HUNK: variants seen among roughly 807,000 people sequenced by gnomAD.
The protein encoded by HUNK is hormonally up-regulated neu tumor-associated kinase.
In HUNK, 21 loss-of-function variants were observed where a neutral mutation model predicts 61.0. That is an observed-to-expected ratio of 0.34 (90% CI 0.24 to 0.50). The LOEUF (loss-of-function observed/expected upper bound fraction) is 0.50. HUNK is among the 20% of genes least tolerant of loss of function. The pLI, the probability that HUNK is intolerant of heterozygous loss-of-function variation, is 0.98. For synonymous variants in HUNK, 371 were observed against 386.1 expected (o/e 0.96, Z 0.46); for missense variants, 772 against 945.7 (o/e 0.82, Z 2.41).
intron 1 of HUNK, among the ~76,000 whole-genome samples, chr21:31,919,451 G>T (rs1434820249): frequency 6.6e-6 from 1 of 152,180 alleles, no homozygotes; most frequent in Non-Finnish European, 1.5e-5. Context: ...GCACCCTTAA[G>T]CCTGGCATGT....
At chr21:31,958,077 CT>C (rs2123840300) in intron 4 of HUNK, among the ~76,000 whole-genome samples, 1 of 152,244 alleles carries the variant, frequency 6.6e-6, no homozygotes, top group Non-Finnish European at 1.5e-5. Flanking sequence ...CAGTACTACT[CT>C]TAATTGAAGT....
intron 1 of HUNK, among the ~76,000 whole-genome samples, chr21:31,911,613 G>C (rs2052546248): frequency 6.6e-6 from 1 of 152,046 alleles, no homozygotes. Context: ...CTCACTTTTG[G>C]GTAGCCTTCC....
chr21:31,874,009 G>T, intron 1 of HUNK, 74 bp downstream of exon 1: 1 of 1,186,780 alleles, frequency 8.4e-7, no homozygotes, highest in South Asian at 2.0e-5. Flanking sequence ...GGGGAGCACT[G>T]CACTGGGAGT....
chr21:31,897,974 G>T (rs1432395016), intron 1 of HUNK, among the ~76,000 whole-genome samples: 1 of 152,228 alleles, frequency 6.6e-6, no homozygotes, highest in African/African-American at 2.4e-5. Context: ...TTCATTGGCA[G>T]TTCTCTTGGA....
chr21:31,959,080 T>C, intron 5 of HUNK, 110 bp downstream of exon 5: 5 of 1,138,092 alleles, frequency 4.4e-6, no homozygotes, highest in Non-Finnish European at 5.9e-6. Flanking sequence ...GTCTATCCCA[T>C]GGTTATAAGT....
intron 1 of HUNK, among the ~76,000 whole-genome samples, chr21:31,919,837 C>A (rs1207380762): frequency 6.6e-6 from 1 of 152,140 alleles, no homozygotes; most frequent in Non-Finnish European, 1.5e-5. Flanking sequence ...TGAAAGGTGG[C>A]GTCATTCCCC....
At position 31,951,420 on chromosome 21, in the gene HUNK, C is replaced by T. The variant is rs1240448846; in HGVS notation, c.746+5249C>T. Reference sequence around the variant, plus strand: ...ACTTTATCTTCAGAATATTACAATACTCATGTGCAACCTTCAGTGAATCCC... The same window carrying T: ...ACTTTATCTTCAGAATATTACAATATTCATGTGCAACCTTCAGTGAATCCC... On this transcript the variant is annotated intron_variant, in intron 4 of 10. Transcript: ENST00000270112. 2.0e-5 allele frequency among the ~76,000 whole-genome samples: 3 copies of T among 152,122 alleles called. 1 individual carries two copies. The highest frequency in any genetic ancestry group is 4.8e-5 in the African/African-American group (2 of 41,420).
intron 1 of HUNK, among the ~76,000 whole-genome samples, chr21:31,922,349 G>A (rs1033381874): frequency 3.6e-5 from 5 of 140,842 alleles, no homozygotes; most frequent in Admixed American, 7.4e-5. Context: ...TTTTTGAGAC[G>A]GAGTTTTGTT....
chr21:31,883,461 T>C (rs1713482221), intron 1 of HUNK, among the ~76,000 whole-genome samples: 1 of 152,198 alleles, frequency 6.6e-6, no homozygotes, highest in African/African-American at 2.4e-5. Flanking sequence ...CCAATTTTCT[T>C]TTGGGGTTTT....
intron 2 of HUNK, among the ~76,000 whole-genome samples, chr21:31,926,197 C>T (rs944758831): frequency 2.0e-5 from 3 of 152,182 alleles, no homozygotes; most frequent in South Asian, 2.1e-4. Context: ...GGATTACAGG[C>T]GTGAGCCACC....
chr21:31,930,594 A>G (rs2052689841), intron 2 of HUNK, among the ~76,000 whole-genome samples: 1 of 152,162 alleles, frequency 6.6e-6, no homozygotes, highest in Non-Finnish European at 1.5e-5. Context: ...TCCCATGGTT[A>G]CTTTTCTCTA....
chr21:31,951,391 A>G (rs1179758187), intron 4 of HUNK, among the ~76,000 whole-genome samples: 1 of 152,140 alleles, frequency 6.6e-6, no homozygotes, highest in Non-Finnish European at 1.5e-5. Flanking sequence ...AAGAATCAAA[A>G]TTAACTTTAT....
rs1324887203 is a variant in HUNK at position 31,999,131 on chromosome 21, G to A, written c.2092G>A (p.Ala698Thr). The A allele has an allele frequency of 3.1e-6, 5 of 1,613,894 alleles. No homozygotes were observed. The highest frequency in any genetic ancestry group is 4.2e-6 in the Non-Finnish European group (5 of 1,179,944). Residue 698 changes from alanine to threonine, a missense_variant, in exon 11 of 11, where the codon GCC (alanine) becomes ACC (threonine). Physicochemically the swap from Ala to Thr is moderately conservative, Grantham distance 58. Around this residue, in one of 2 missense-constraint regions of HUNK, gnomAD observed 413 missense variants for 444.4 expected, o/e 0.93. Transcript: ENST00000270112. Reference protein sequence around the residue: ...EASLPPLQPLAPVNLAFDMAD... With the variant: ...EASLPPLQPLTPVNLAFDMAD... Reference sequence around the variant, plus strand: ...CAGCCTGCCCCCACTGCAGCCCCTAGCCCCTGTGAACCTTGCCTTTGACAT... The same window carrying A: ...CAGCCTGCCCCCACTGCAGCCCCTAACCCCTGTGAACCTTGCCTTTGACAT...
Position 32,000,538 on chromosome 21 carries a change from C to T in HUNK, c.*1354C>T, listed in dbSNP as rs2053239376. On this transcript the variant is annotated 3_prime_UTR_variant, in exon 11 of 11. Coordinates refer to ENST00000270112, the MANE Select transcript of HUNK (RefSeq NM_014586.2). ...GAATCAGAAAAAGAAGACCCATCAG[C>T]ACAGGTTGGATAGGGGTTAGTGTAG... is the stretch of plus-strand genomic sequence containing the variant. 1 of 399,110 alleles carries T rather than the reference C, an allele frequency of 2.5e-6. No homozygotes were observed. The highest frequency in any genetic ancestry group is 4.4e-5 in the Admixed American group (1 of 22,714). The allele number at this position is 399,110 out of a possible 1,614,324, so 24.7% of individuals were successfully genotyped here.
intron 7 of HUNK, among the ~76,000 whole-genome samples, chr21:31,977,932 A>G (rs993486842): frequency 6.6e-6 from 1 of 152,208 alleles, no homozygotes; most frequent in African/African-American, 2.4e-5. Flanking sequence ...TCCTGGGCTC[A>G]AGCAGTCCGC....
intron 1 of HUNK, among the ~76,000 whole-genome samples, chr21:31,907,564 G>A (rs2123803291): frequency 6.6e-6 from 1 of 152,300 alleles, no homozygotes; most frequent in Middle Eastern, 3.4e-3. Context: ...TAGTGCCCAG[G>A]TGGGGACCAT....
chr21:31,992,263 G>A (rs2053176594), intron 9 of HUNK, among the ~76,000 whole-genome samples: 1 of 152,202 alleles, frequency 6.6e-6, no homozygotes, highest in African/African-American at 2.4e-5. Context: ...CTGGAGCTCA[G>A]ACCTCAGAGG....
Position 31,873,886 on chromosome 21 carries a change from G to C in HUNK, c.212G>C (p.Gly71Ala). 1 of 1,587,320 alleles carries C rather than the reference G, an allele frequency of 6.3e-7. No homozygotes were observed. Among genetic ancestry groups the C allele is most frequent in the Non-Finnish European group, 8.6e-7 (1 of 1,169,218 alleles). Reference sequence around the variant, plus strand: ...ATCGGCAGCAGGAAGCTGGGCGAGGGCTCCTTTGCCAAGGTGCGCGAGGGG... The same window carrying C: ...ATCGGCAGCAGGAAGCTGGGCGAGGCCTCCTTTGCCAAGGTGCGCGAGGGG... ...YLIGSRKLGE[G>A]SFAKVREGLH... Residue 71 changes from glycine to alanine, a missense_variant, in exon 1 of 11, where the codon GGC becomes GCC. Physicochemically the swap from Gly to Ala is moderately conservative, Grantham distance 60. Coordinates refer to ENST00000270112, the MANE Select transcript of HUNK (RefSeq NM_014586.2). The surrounding 1 kb of genome is among the most constrained non-coding windows in gnomAD (Gnocchi z 6.1).
chr21:31,987,725 T>C (rs1249404925), intron 8 of HUNK, among the ~76,000 whole-genome samples: 1 of 152,226 alleles, frequency 6.6e-6, no homozygotes, highest in Non-Finnish European at 1.5e-5. Flanking sequence ...ATGACAGCTA[T>C]TACCAGATGA....
Sources: allele counts gnomAD v4.1 joint callset (sites outside exome capture counted in the v4.1 genomes callset), GRCh38; gene constraint gnomAD v4.1.1; regional missense constraint gnomAD v4.1.1; non-coding constraint Gnocchi (gnomAD v3.1); transcripts MANE v1.5; gene names NCBI Gene and HGNC (gene_info 2026-07-23, HGNC 2026-07-21).